CPT1C: variants seen among roughly 807,000 people sequenced by gnomAD.
CPT1C encodes the protein palmitoyl thioesterase CPT1C.
In CPT1C, 61 loss-of-function variants were observed where a neutral mutation model predicts 97.3. That is an observed-to-expected ratio of 0.63 (90% CI 0.51 to 0.78). The LOEUF (loss-of-function observed/expected upper bound fraction) is 0.78, where lower values mean the gene tolerates loss of function less well. CPT1C is among the 30% of genes least tolerant of loss of function. The pLI is 0.00. For missense variants in CPT1C, 975 were observed against 1,065.5 expected (o/e 0.92, Z 1.18); for synonymous variants, 469 against 447.2 (o/e 1.05, Z -0.61).
Position 49,700,822 on chromosome 19 carries a change from C to A in CPT1C, c.420C>A (p.His140Gln), listed in dbSNP as rs549984351. 7.4e-6 allele frequency: 12 copies of A among 1,613,108 alleles called. No homozygotes were observed. In the African/African-American group the frequency reaches 1.6e-4, roughly 21 times the overall value. ...ACCACGGCTGGCTTCTTGAGCCCCA[C>A]GGAGCCATGTCCTCCCCCACCAAGA... is the stretch of plus-strand genomic sequence containing the variant. ...LSYHGWLLEP[H>Q]GAMSSPTKTW... is the part of the protein sequence containing the mutation. The change falls in exon 5 of 20, where the codon CAC becomes CAA. Residue 140 changes from histidine (H) to glutamine (Q), a missense_variant. By Grantham distance (24) the His-to-Gln change is conservative. Around this residue, in one of 3 missense-constraint regions of CPT1C, gnomAD observed 596 missense variants for 603.1 expected, o/e 0.99. Transcript: ENST00000598293.
chr19:49,701,319 C>A lies in CPT1C; in HGVS notation c.456C>A (p.Ala152=). Residue 152 remains alanine, a splice_region_variant and synonymous_variant, in exon 6 of 20, where the codon GCC becomes GCA. Coordinates refer to ENST00000598293, the MANE Select transcript of CPT1C (RefSeq NM_001199753.2). ...ACCCGGTAACTCCTCCTCCCCAGGC[C>A]CTGGTCCGCATCTTCTCTGGCCGCC... ...AMSSPTKTWL[A]LVRIFSGRHP... 1 of 1,612,126 alleles carries A rather than the reference C, an allele frequency of 6.2e-7. No individual in the cohort carries two copies. Among genetic ancestry groups the A allele is most frequent in the Non-Finnish European group, 8.5e-7 (1 of 1,179,408 alleles).
At chr19:49,696,456 C>CTTTTTTTTTTTTTTTTT (rs66983115) in intron 3 of CPT1C, 2 of 111,636 alleles carry the variant, frequency 1.8e-5, no homozygotes, top group Non-Finnish European at 1.8e-5. Context: ...CTTTTCTTTT[C>CTTTTTTTTTTTTTTTTT]TTTTTTTTTT....
chr19:49,701,879 A>AATATATATATTTATTTATAAATATAT (rs2083091554), intron 7 of CPT1C, among the ~76,000 whole-genome samples: 1 of 107,562 alleles, frequency 9.3e-6, no homozygotes, highest in Non-Finnish European at 1.9e-5. Context: ...TGTATATATA[A>AATATATATATTTATTTATAAATATAT]ATATATATAT....
chr19:49,702,648 A>AC (rs1217585910), intron 7 of CPT1C, among the ~76,000 whole-genome samples: 1 of 151,718 alleles, frequency 6.6e-6, no homozygotes, highest in African/African-American at 2.4e-5. Context: ...GAAAAAAAAA[A>AC]AGACAAAACC....
In CPT1C at chr19:49,705,114, G is replaced by T. The variant is rs1049933458; in HGVS notation, c.879G>T (p.Pro293=). Residue 293 remains proline (P), a splice_region_variant and synonymous_variant, in exon 9 of 20, where the codon CCG becomes CCT. Coordinates refer to ENST00000598293, the MANE Select transcript of CPT1C (RefSeq NM_001199753.2). ...RHRLNRQEIP[P]TLLMGMRPLC... ...GCCTGAACCGCCAGGAGATACCCCC[G>T]GTGAGAGGGCCCCAGTGGGTTAGGG... 1.2e-6 allele frequency: 2 copies of T among 1,613,896 alleles called. No individual in the cohort carries two copies. Among genetic ancestry groups the T allele is most frequent in the Admixed American group, 1.7e-5 (1 of 59,990 alleles).
intron 19 of CPT1C, 77 bp from the exon 20 acceptor site, chr19:49,713,343 C>G (rs1473280331): frequency 1.5e-6 from 2 of 1,348,620 alleles, no homozygotes; most frequent in Non-Finnish European, 2.1e-6. Flanking sequence ...GGAATCCAGG[C>G]CCTTAGCCCT....
In CPT1C at chr19:49,700,762, C is replaced by T; in HGVS notation, c.360C>T (p.Phe120=). Residue 120 remains phenylalanine (F), a synonymous_variant, in exon 5 of 20, where the codon TTC becomes TTT. Transcript: ENST00000598293. ...FASCLWGALI[F]TLHVALRLLL... is the part of the protein sequence containing the mutation. ...CGTGTTTGTGGGGAGCCCTGATCTT[C>T]ACACTGCACGTGGCCCTGAGGCTGC... The T allele has an allele frequency of 6.2e-7, 1 of 1,613,230 alleles. No individual in the cohort carries two copies. The highest frequency in any genetic ancestry group is 2.2e-5 in the East Asian group (1 of 44,876).
intron 4 of CPT1C, 29 bp downstream of exon 4, chr19:49,697,494 C>G (rs1413478819): frequency 1.9e-6 from 3 of 1,606,710 alleles, no homozygotes; most frequent in Non-Finnish European, 2.6e-6. Flanking sequence ...AGCCCAGTAA[C>G]CCCCAATCAC....
chr19:49,690,698 C>T, upstream of CPT1C: 1 of 505,806 alleles, frequency 2.0e-6, no homozygotes, highest in Non-Finnish European at 3.4e-6. The surrounding 1 kb of genome is among the most constrained non-coding windows in gnomAD (Gnocchi z 4.4). Flanking sequence ...GAATCCAACC[C>T]GCTGTGGCGC....
chr19:49,708,787 C>G lies in CPT1C; in HGVS notation c.1514C>G (p.Pro505Arg), dbSNP rs567796699. 6.2e-7 allele frequency: 1 copy of G among 1,613,944 alleles called. No homozygotes were observed. The highest frequency in any genetic ancestry group is 8.5e-7 in the Non-Finnish European group (1 of 1,179,966). The change falls in exon 14 of 20, where the codon CCG becomes CGG. Residue 505 changes from proline (P) to arginine (R), a missense_variant. Transcript: ENST00000598293. Reference protein sequence around the residue: ...YSTDGHCKGHPDPTLPQPQRL... With the variant: ...YSTDGHCKGHRDPTLPQPQRL... ...ACAGACGGCCACTGCAAGGGGCACC[C>G]GGACCCCACACTACCCCAGCCCCAG... is the stretch of plus-strand genomic sequence containing the variant.
chr19:49,697,106 AC>A, intron 3 of CPT1C, among the ~76,000 whole-genome samples: 1 of 152,304 alleles, frequency 6.6e-6, no homozygotes, highest in South Asian at 2.1e-4. Context: ...ACTTGGCAGC[AC>A]AGGGCTCCTC....
At chr19:49,712,545 CGTGGGT>C (rs111271036) in intron 17 of CPT1C, 185 bp from the exon 18 acceptor site, 30,299 of 588,458 alleles carry the variant, frequency 0.051, 1,501 homozygotes, top group Admixed American at 0.15. Context: ...AGGAGAGGGA[CGTGGGT>C]GTGGGTGGTG....
At chr19:49,692,874 C>T (rs1339308078) in intron 3 of CPT1C, among the ~76,000 whole-genome samples, 3 of 151,998 alleles carry the variant, frequency 2.0e-5, no homozygotes. Flanking sequence ...TATTGGCGCA[C>T]GCCACCATGC....
chr19:49,690,745 T>C (rs1366968033), upstream of CPT1C, among the ~76,000 whole-genome samples: 4 of 152,120 alleles, frequency 2.6e-5, no homozygotes, highest in Admixed American at 2.6e-4. The surrounding 1 kb of genome is among the most constrained non-coding windows in gnomAD (Gnocchi z 4.4). Flanking sequence ...CTTCCGTGGG[T>C]GGTTTTGGCG....
At chr19:49,704,033 C>T (rs1203021457) in intron 7 of CPT1C, among the ~76,000 whole-genome samples, 4 of 152,264 alleles carry the variant, frequency 2.6e-5, no homozygotes, top group Admixed American at 6.5e-5. Flanking sequence ...GCAGCTAAAC[C>T]GTGACACAGT....
chr19:49,706,331 C>A lies in CPT1C; in HGVS notation c.1261C>A (p.Pro421Thr). 6.6e-7 allele frequency: 1 copy of A among 1,525,544 alleles called. No individual in the cohort carries two copies. Among genetic ancestry groups the A allele is most frequent in the Middle Eastern group, 1.7e-4 (1 of 5,754 alleles). The allele number at this position is 1,525,544 out of a possible 1,614,324, so 94.5% of individuals were successfully genotyped here. Residue 421 changes from proline to threonine, a missense_variant, in exon 12 of 20, where the codon CCC becomes ACC. Pro to Thr is a conservative substitution (Grantham distance 38, BLOSUM62 -1). This residue lies in a region of CPT1C where 596 missense variants were observed against 603.1 expected (regional missense o/e 0.99). Transcript: ENST00000598293. This position sits in a 1 kb window ranked among gnomAD's most constrained non-coding sequence, Gnocchi z 4.8. ...TTTCTTTGTGTCACTGGATGCTGAG[C>A]CCGCGGGGCTCACCAGGGAGGACCC... ...AAFFVSLDAE[P>T]AGLTREDPAA...
chr19:49,712,508 G>C, intron 17 of CPT1C: 1 of 564,868 alleles, frequency 1.8e-6, no homozygotes, highest in East Asian at 3.1e-5. Flanking sequence ...GGCGTGGTCA[G>C]AGGAGGGGCG....
intron 14 of CPT1C, 87 bp downstream of exon 14, chr19:49,708,926 GA>G (rs1388521277): frequency 1.2e-6 from 1 of 860,568 alleles, no homozygotes; most frequent in Non-Finnish European, 1.9e-6. Flanking sequence ...ATCTGAACGT[GA>G]AAATCAACCC....
intron 4 of CPT1C, among the ~76,000 whole-genome samples, chr19:49,699,457 TAAAAAAAAAA>T (rs71180647): frequency 3.6e-3 from 126 of 35,302 alleles, no homozygotes; most frequent in African/African-American, 8.9e-3. Context: ...CCCCTGTCTC[TAAAAAAAAAA>T]AAAAAAAAAA....
Sources: allele counts gnomAD v4.1 joint callset (sites outside exome capture counted in the v4.1 genomes callset), GRCh38; gene constraint gnomAD v4.1.1; regional missense constraint gnomAD v4.1.1; non-coding constraint Gnocchi (gnomAD v3.1); transcripts MANE v1.5; gene names NCBI Gene and HGNC (gene_info 2026-07-23, HGNC 2026-07-21).